PCDHGA2: variants seen among roughly 807,000 people sequenced by gnomAD.
The protein encoded by PCDHGA2 is protocadherin gamma-A2.
A neutral mutation model predicts 59.2 loss-of-function variants in PCDHGA2; 40 were observed. That is an observed-to-expected ratio of 0.68 (90% CI 0.52 to 0.88). The LOEUF (loss-of-function observed/expected upper bound fraction) is 0.88. Ranked by LOEUF, PCDHGA2 falls within the 40% of genes least tolerant of loss-of-function variation. PCDHGA2 has a pLI of 0.00. For synonymous variants in PCDHGA2, 560 were observed against 526.0 expected (o/e 1.06, Z -0.89); for missense variants, 1,226 against 1,204.0 (o/e 1.02, Z -0.27).
chr5:141,368,109 C>T (rs1489519335), intron 1 of PCDHGA2, among the ~76,000 whole-genome samples: 2 of 152,118 alleles, frequency 1.3e-5, no homozygotes, highest in Non-Finnish European at 2.9e-5. Context: ...TCAGATGTTT[C>T]TTATTAAAAT....
intron 1 of PCDHGA2, chr5:141,393,169 T>A: frequency 6.2e-7 from 1 of 1,613,090 alleles, no homozygotes; most frequent in African/African-American, 1.3e-5. Context: ...CTCTTTGGGG[T>A]AGAAATAGAA....
At chr5:141,386,930 G>A (rs555182145) in intron 1 of PCDHGA2, among the ~76,000 whole-genome samples, 29 of 152,300 alleles carry the variant, frequency 1.9e-4, no homozygotes, top group African/African-American at 6.0e-4. Flanking sequence ...AATAAGTGCA[G>A]AGGTAGGAAG....
At chr5:141,372,173 G>A (rs780828000) in intron 1 of PCDHGA2, 2 of 1,613,722 alleles carry the variant, frequency 1.2e-6, no homozygotes, top group Non-Finnish European at 1.7e-6. Context: ...AGGTGGTGGC[G>A]GTGGACGCAG....
intron 3 of PCDHGA2, among the ~76,000 whole-genome samples, chr5:141,506,925 A>G (rs1287267937): frequency 1.3e-5 from 2 of 152,152 alleles, no homozygotes; most frequent in African/African-American, 4.8e-5. Context: ...ATACTAAACA[A>G]ACTTTAGGGG....
At position 141,429,997 on chromosome 5, in the gene PCDHGA2, G is replaced by A. The variant is rs536289272; in HGVS notation, c.2425-64810G>A. Among the ~76,000 whole-genome samples, 3 of 152,240 alleles carry A rather than the reference G, an allele frequency of 2.0e-5. No homozygotes were observed. The East Asian group carries it at 5.8e-4, about 29-fold the overall frequency. On this transcript the variant is annotated intron_variant, in intron 1 of 3. Transcript: ENST00000394576. ...TCTACTTTATGCTAAAAATATTAAT[G>A]TTTCTTTTTCACTTGGGTTCTTGTT... is the stretch of plus-strand genomic sequence containing the variant.
intron 2 of PCDHGA2, among the ~76,000 whole-genome samples, chr5:141,498,555 C>T (rs2099784323): frequency 6.6e-6 from 1 of 152,032 alleles, no homozygotes; most frequent in South Asian, 2.1e-4. Flanking sequence ...GACACACCAG[C>T]TTCAAAGCAG....
At chr5:141,388,571 C>A in intron 1 of PCDHGA2, 2 of 1,613,830 alleles carry the variant, frequency 1.2e-6, no homozygotes, top group Non-Finnish European at 1.7e-6. Context: ...CACAGATACA[C>A]GTTCTAGTGA....
chr5:141,484,647 G>C (rs556711906), intron 1 of PCDHGA2, among the ~76,000 whole-genome samples: 1 of 151,948 alleles, frequency 6.6e-6, no homozygotes, highest in African/African-American at 2.4e-5. Context: ...CTCTCCAATG[G>C]CTACTCTCCC....
rs200064261 is a variant in PCDHGA2, at chr5:141,487,515, G to A, written c.2425-7292G>A. 3.7e-5 allele frequency: 59 copies of A among 1,614,018 alleles called. No homozygotes were observed. The highest frequency in any genetic ancestry group is 8.8e-5 in the South Asian group (8 of 91,086). On this transcript the variant is annotated intron_variant, in intron 1 of 3. Coordinates refer to ENST00000394576, the MANE Select transcript of PCDHGA2 (RefSeq NM_018915.4). The surrounding 1 kb of genome is among the most constrained non-coding windows in gnomAD (Gnocchi z 5.0). Reference sequence around the variant, plus strand: ...ACACCCTTGGCTTCTGCACCCACTCGGAGTGATAGCTTCATGATGGTGAAG... The same window carrying A: ...ACACCCTTGGCTTCTGCACCCACTCAGAGTGATAGCTTCATGATGGTGAAG...
intron 1 of PCDHGA2, among the ~76,000 whole-genome samples, chr5:141,448,975 T>C (rs888432093): frequency 6.6e-6 from 1 of 151,970 alleles, no homozygotes; most frequent in African/African-American, 2.4e-5. Flanking sequence ...AAAAAAGAAC[T>C]TCCATATTAA....
chr5:141,342,766 G>A lies in PCDHGA2; in HGVS notation c.2424+1371G>A, dbSNP rs1344775444. 2.0e-5 allele frequency: 3 copies of A among 152,272 alleles called. No homozygotes were observed. In the East Asian group the frequency reaches 5.8e-4, roughly 29 times the overall value. 9.4% of individuals were successfully genotyped at this position (152,272 alleles called of 1,614,324 possible). On this transcript the variant is annotated intron_variant, in intron 1 of 3. Transcript: ENST00000394576. ...ATATGTAATGCATCATGATTGAAACGACAAATATATTGTATTTATATTTCT... is the reference window on the plus strand; with the variant it reads ...ATATGTAATGCATCATGATTGAAACAACAAATATATTGTATTTATATTTCT...
intron 1 of PCDHGA2, chr5:141,383,029 T>G: frequency 6.2e-7 from 1 of 1,613,808 alleles, no homozygotes; most frequent in Non-Finnish European, 8.5e-7. Flanking sequence ...CAAAGGGTCC[T>G]TTGTGGGAGA....
intron 1 of PCDHGA2, chr5:141,403,095 T>A (rs754367041): frequency 6.2e-7 from 1 of 1,614,026 alleles, no homozygotes; most frequent in East Asian, 2.2e-5. Flanking sequence ...GTGGGCAACA[T>A]CTCCAAGGAC....
At chr5:141,345,376 A>G in intron 1 of PCDHGA2, 1 of 1,613,246 alleles carries the variant, frequency 6.2e-7, no homozygotes, top group South Asian at 1.1e-5. Flanking sequence ...ATCAATGACA[A>G]CCCACCCACC....
At chr5:141,357,222 C>G in intron 1 of PCDHGA2, 1 of 1,613,872 alleles carries the variant, frequency 6.2e-7, no homozygotes, top group Non-Finnish European at 8.5e-7. Context: ...TCCTGGCTGA[C>G]TTGGGCAGCC....
intron 1 of PCDHGA2, chr5:141,388,456 A>G: frequency 5.0e-6 from 8 of 1,613,810 alleles, no homozygotes; most frequent in Non-Finnish European, 5.9e-6. Flanking sequence ...GGCAGTAAAT[A>G]CCCTGAGATG....
chr5:141,439,124 C>A (rs550781116), intron 1 of PCDHGA2, among the ~76,000 whole-genome samples: 332 of 150,120 alleles, frequency 2.2e-3, no homozygotes, highest in Non-Finnish European at 3.9e-3. Context: ...ACCCGGGAGA[C>A]AGAGGTTGCA....
intron 1 of PCDHGA2, among the ~76,000 whole-genome samples, chr5:141,465,206 C>T (rs375753635): frequency 1.8e-4 from 27 of 151,896 alleles, no homozygotes; most frequent in Middle Eastern, 3.4e-3. Context: ...AAAATATAAG[C>T]TTTATTTTTC....
At chr5:141,388,686 G>A (rs1196254559) in intron 1 of PCDHGA2, 5 of 1,613,980 alleles carry the variant, frequency 3.1e-6, no homozygotes, top group Non-Finnish European at 4.2e-6. Context: ...GACTGCCACG[G>A]ACCAGGATGA....
Sources: allele counts gnomAD v4.1 joint callset (sites outside exome capture counted in the v4.1 genomes callset), GRCh38; gene constraint gnomAD v4.1.1; non-coding constraint Gnocchi (gnomAD v3.1); transcripts MANE v1.5; gene names NCBI Gene and HGNC (gene_info 2026-07-23, HGNC 2026-07-21).